Variants in CDC23 observed in about 807,000 individuals in gnomAD.
The protein encoded by CDC23 is cell division cycle protein 23 homolog.
A neutral mutation model predicts 81.7 loss-of-function variants in CDC23; 26 were observed. The observed-to-expected ratio is 0.32, with a 90% CI of 0.23 to 0.44. CDC23 has a LOEUF of 0.44. Among genes scored for constraint, CDC23 ranks in the 20% least tolerant of loss-of-function variants. CDC23 has a pLI of 1.00. For synonymous variants in CDC23, 267 were observed against 270.8 expected, an observed-to-expected ratio of 0.99 and a Z score of 0.14; for missense variants, 519 against 728.0, an observed-to-expected ratio of 0.71 and a Z score of 3.30.
chr5:138,190,874 A>T (rs1754819504), intron 13 of CDC23, among the ~76,000 whole-genome samples: 1 of 149,336 alleles, frequency 6.7e-6, no homozygotes, highest in African/African-American at 2.4e-5. Flanking sequence ...TAAATTACAA[A>T]AAAAAAAAAA....
intron 3 of CDC23, among the ~76,000 whole-genome samples, chr5:138,203,573 A>G (rs1755014284): frequency 6.6e-6 from 1 of 152,172 alleles, no homozygotes; most frequent in Non-Finnish European, 1.5e-5. Flanking sequence ...TCTAGATTGT[A>G]CTGAGGGGGA....
intron 9 of CDC23, among the ~76,000 whole-genome samples, chr5:138,194,267 T>C (rs1244551240): frequency 6.6e-6 from 1 of 152,016 alleles, no homozygotes; most frequent in Non-Finnish European, 1.5e-5. Context: ...ATGGGCAACA[T>C]AGTGAGACCC....
At chr5:138,206,506 G>A (rs1204943141) in intron 3 of CDC23, 41 bp downstream of exon 3, 4 of 1,609,934 alleles carry the variant, frequency 2.5e-6, no homozygotes, top group Non-Finnish European at 3.4e-6. Flanking sequence ...AAATATGGAT[G>A]TTTCACTAAA....
intron 13 of CDC23, among the ~76,000 whole-genome samples, chr5:138,190,258 G>A (rs1754811453): frequency 6.6e-6 from 1 of 151,960 alleles, no homozygotes; most frequent in African/African-American, 2.4e-5. Context: ...AGGAGTTTGA[G>A]ACCAGCATGG....
rs562305953 is a variant in CDC23 at position 138,207,967 on chromosome 5, CT to C, written c.235-1284del. ...AAACAAAAATTCAATCCCCCAAATT[CT>C]TTTTTTTTTTTGAGACAGAGCCTCG... On this transcript the variant is annotated intron_variant, in intron 2 of 15. Transcript: ENST00000394886. 1.8e-3 allele frequency among the ~76,000 whole-genome samples: 256 copies of C among 144,620 alleles called. 1 individual carries two copies. The South Asian group carries it at 0.024, about 13-fold the overall frequency. The allele number at this position is 144,620 out of a possible 152,430, so 94.9% of individuals were successfully genotyped here. A position where few individuals can be genotyped will look rare whatever the true frequency, so the allele number is the denominator to read the frequency against.
chr5:138,210,301 G>A (rs959480904), intron 2 of CDC23, among the ~76,000 whole-genome samples: 16 of 152,048 alleles, frequency 1.1e-4, no homozygotes, highest in Admixed American at 9.2e-4. Context: ...CTCGGTGGGT[G>A]GATCAGCTGA....
intron 4 of CDC23, among the ~76,000 whole-genome samples, chr5:138,201,901 C>A (rs926628661): frequency 1.3e-5 from 2 of 152,106 alleles, no homozygotes; most frequent in African/African-American, 4.8e-5. Flanking sequence ...CAGGGTAGGG[C>A]CAAGGGAAGA....
intron 2 of CDC23, among the ~76,000 whole-genome samples, chr5:138,209,038 C>T (rs1313431941): frequency 6.6e-6 from 1 of 151,998 alleles, no homozygotes; most frequent in African/African-American, 2.4e-5. Context: ...TCCCAAAGTG[C>T]TGGGATTACA....
intron 2 of CDC23, among the ~76,000 whole-genome samples, 187 bp downstream of exon 2, chr5:138,212,804 G>C (rs1755129299): frequency 6.6e-6 from 1 of 152,058 alleles, no homozygotes; most frequent in Non-Finnish European, 1.5e-5. Flanking sequence ...GCACCACCAA[G>C]TCTTTCAAAG....
chr5:138,212,034 A>C (rs1344511633), intron 2 of CDC23, among the ~76,000 whole-genome samples: 1 of 152,212 alleles, frequency 6.6e-6, no homozygotes, highest in Admixed American at 6.5e-5. Flanking sequence ...GTCACTTAGA[A>C]ATCATTTGCC....
intron 3 of CDC23, among the ~76,000 whole-genome samples, chr5:138,204,903 G>A (rs1274729427): frequency 6.6e-6 from 1 of 150,962 alleles, no homozygotes; most frequent in South Asian, 2.1e-4. Context: ...TACCGCGCCC[G>A]GACTTTTTCT....
chr5:138,191,196 AC>A (rs1754823344), intron 13 of CDC23, among the ~76,000 whole-genome samples: 1 of 151,760 alleles, frequency 6.6e-6, no homozygotes. Context: ...GCTCACTGCA[AC>A]CTCCACCTCC....
chr5:138,189,534 T>A, intron 15 of CDC23, 99 bp downstream of exon 15: 19 of 1,174,830 alleles, frequency 1.6e-5, no homozygotes, highest in Non-Finnish European at 2.2e-5. Context: ...GTTGGGATTA[T>A]AGGTGTGAGC....
chr5:138,207,465 A>T (rs1162305773), intron 2 of CDC23, among the ~76,000 whole-genome samples: 1 of 152,196 alleles, frequency 6.6e-6, no homozygotes, highest in Admixed American at 6.5e-5. Context: ...TGTGAGTCAC[A>T]TAAAATATCC....
At chr5:138,197,575 C>A (rs1236106788) in intron 9 of CDC23, among the ~76,000 whole-genome samples, 2 of 149,844 alleles carry the variant, frequency 1.3e-5, no homozygotes, top group Non-Finnish European at 2.9e-5. Flanking sequence ...TGGCTCACTG[C>A]AACCTCCACC....
intron 2 of CDC23, among the ~76,000 whole-genome samples, 159 bp from the exon 3 acceptor site, chr5:138,206,843 A>G (rs1044546251): frequency 8.0e-5 from 12 of 149,590 alleles, no homozygotes; most frequent in African/African-American, 3.0e-4. Flanking sequence ...ATAATTTTAT[A>G]TATTTATTTT....
At chr5:138,205,937 AAAATCTG>A (rs899480162) in intron 3 of CDC23, 1 of 152,248 alleles carries the variant, frequency 6.6e-6, no homozygotes, top group African/African-American at 2.4e-5. Flanking sequence ...AAATCTGAAA[AAAATCTG>A]AAATCTGAAA....
intron 9 of CDC23, among the ~76,000 whole-genome samples, chr5:138,195,731 T>TATAATATATATGTATATATAC (rs1561634137): frequency 9.4e-5 from 11 of 117,536 alleles, no homozygotes; most frequent in Non-Finnish European, 1.7e-4. Flanking sequence ...TGTATATATA[T>TATAATATATATGTATATATAC]ACATATAATA....
At chr5:138,212,886 C>T in intron 2 of CDC23, 105 bp downstream of exon 2, 2 of 863,300 alleles carry the variant, frequency 2.3e-6, no homozygotes, top group South Asian at 1.4e-5. Context: ...CCTCTACAAA[C>T]ATTTCTGCTA....
Sources: gnomAD v4.1 joint callset for allele counts (sites outside exome capture counted in the v4.1 genomes callset) on GRCh38, gnomAD v4.1.1 for gene constraint, MANE v1.5 for transcripts, NCBI Gene and HGNC (gene_info 2026-07-23, HGNC 2026-07-21) for gene names.